The following RBFOX1 variants were observed in gnomAD, a reference collection of about 807,000 sequenced individuals.
RBFOX1 encodes RNA binding fox-1 homolog 1, also known as RNA binding protein fox-1 homolog 1.
A neutral mutation model predicts 57.7 loss-of-function variants in RBFOX1; 8 were observed. The ratio of observed to expected loss-of-function variants is 0.14; its 90% CI spans 0.08 to 0.25. RBFOX1 has a LOEUF of 0.25. Among genes scored for constraint, RBFOX1 ranks in the 10% least tolerant of loss-of-function variants. The pLI is 1.00. For missense variants in RBFOX1, 611 were observed against 548.5 expected, an observed-to-expected ratio of 1.11 and a Z score of -1.14; for synonymous variants, 326 against 222.4, an observed-to-expected ratio of 1.47 and a Z score of -4.15.
At position 6,780,584 on chromosome 16, in the gene RBFOX1, TTATA is replaced by T. The variant is rs998887450; in HGVS notation, c.-16+125942_-16+125945del. On this transcript the variant is annotated intron_variant, in intron 3 of 15. Coordinates refer to ENST00000550418, the MANE Select transcript of RBFOX1 (RefSeq NM_018723.4). ...TATTTATATATATTTATATATATAT[TTATA>T]TATATATTTCTTTTTTGTTTTTTGT... 1.0e-4 allele frequency among the ~76,000 whole-genome samples: 14 copies of T among 140,498 alleles called. 1 individual carries two copies. The highest frequency in any genetic ancestry group is 2.9e-4 in the African/African-American group (11 of 38,270). 92.2% of individuals were successfully genotyped at this position (140,498 alleles called of 152,430 possible).
intron 3 of RBFOX1, among the ~76,000 whole-genome samples, chr16:5,809,065 A>T (rs1368083048): frequency 6.6e-6 from 1 of 152,174 alleles, no homozygotes; most frequent in African/African-American, 2.4e-5. Context: ...AAAAACAAGC[A>T]ATGGGGAAAG....
At chr16:7,689,970 G>A (rs573013183) in intron 14 of RBFOX1, among the ~76,000 whole-genome samples, 4 of 152,152 alleles carry the variant, frequency 2.6e-5, no homozygotes, top group African/African-American at 9.6e-5. Context: ...TGCCCTGGAG[G>A]CAAGCATGGT....
intron 3 of RBFOX1, among the ~76,000 whole-genome samples, chr16:6,845,094 G>T (rs1476715171): frequency 1.3e-5 from 2 of 152,108 alleles, no homozygotes; most frequent in Non-Finnish European, 2.9e-5. Flanking sequence ...TTTGTCAGAT[G>T]GATAGATTGC....
chr16:5,838,467 C>G (rs944875877), intron 3 of RBFOX1: 1 of 154,576 alleles, frequency 6.5e-6, no homozygotes, highest in Non-Finnish European at 1.5e-5. Context: ...ATATCCTATT[C>G]TGGCTCCCAT....
At chr16:6,483,742 T>G in intron 2 of RBFOX1, 1 of 1,423,552 alleles carries the variant, frequency 7.0e-7, no homozygotes, top group Non-Finnish European at 9.2e-7. Context: ...TGGCTGCCTG[T>G]GGCAGAGGAG....
intron 4 of RBFOX1, among the ~76,000 whole-genome samples, chr16:7,485,732 T>C (rs60593706): frequency 3.9e-5 from 6 of 152,372 alleles, no homozygotes; most frequent in East Asian, 3.9e-4. Flanking sequence ...CCATAATGTA[T>C]GTACATATAT....
At chr16:6,838,464 A>G (rs1404761088) in intron 3 of RBFOX1, among the ~76,000 whole-genome samples, 1 of 152,162 alleles carries the variant, frequency 6.6e-6, no homozygotes, top group Non-Finnish European at 1.5e-5. Context: ...CTTTTCTAGA[A>G]ATGTCTGAAT....
At chr16:7,335,781 T>C (rs377307215) in intron 4 of RBFOX1, among the ~76,000 whole-genome samples, 1 of 152,128 alleles carries the variant, frequency 6.6e-6, no homozygotes, top group African/African-American at 2.4e-5. Context: ...CTTCCTCCTT[T>C]AGGAAAATCA....
intron 4 of RBFOX1, among the ~76,000 whole-genome samples, chr16:7,203,479 A>T (rs775824524): frequency 6.6e-6 from 1 of 152,224 alleles, no homozygotes; most frequent in Admixed American, 6.5e-5. Context: ...TTGCATAACA[A>T]TATAAATATA....
chr16:7,518,378 G>A lies in RBFOX1; in HGVS notation c.259G>A (p.Gly87Ser). Reference sequence around the variant, plus strand: ...GGACACGAGCGCTCAGACCGTCTCTGGCACCGCCACAGTAAGTGGACGTGT... The same window carrying A: ...GGACACGAGCGCTCAGACCGTCTCTAGCACCGCCACAGTAAGTGGACGTGT... ...PADTSAQTVS[G>S]TATQTDDAAP... Residue 87 changes from glycine to serine, a missense_variant, in exon 5 of 16, where the codon GGC becomes AGC. Physicochemically the swap from Gly to Ser is moderately conservative, Grantham distance 56. Transcript: ENST00000550418. 6.2e-7 allele frequency: 1 copy of A among 1,609,860 alleles called. No homozygotes were observed. The highest frequency in any genetic ancestry group is 8.5e-7 in the Non-Finnish European group (1 of 1,177,172).
intron 4 of RBFOX1, among the ~76,000 whole-genome samples, chr16:7,417,519 C>G (rs751878625): frequency 9.8e-6 from 1 of 102,060 alleles, no homozygotes; most frequent in African/African-American, 4.0e-5. Context: ...TCACCAGCTT[C>G]ACATGGTATT....
At chr16:5,431,266 C>CT (rs2067725012) in intron 1 of RBFOX1, among the ~76,000 whole-genome samples, 1 of 152,210 alleles carries the variant, frequency 6.6e-6, no homozygotes, top group East Asian at 1.9e-4. Context: ...CTGCAGTCTT[C>CT]TTTTTGCGCA....
chr16:6,256,241 ATATATG>A (rs1246496680), intron 1 of RBFOX1, among the ~76,000 whole-genome samples: 3,761 of 91,380 alleles, frequency 0.041, 281 homozygotes, highest in African/African-American at 0.12. Context: ...ATGTGTATAT[ATATATG>A]TATATATATG....
intron 2 of RBFOX1, among the ~76,000 whole-genome samples, chr16:5,534,950 C>T (rs763234434): frequency 6.6e-6 from 1 of 152,214 alleles, no homozygotes; most frequent in South Asian, 2.1e-4. Context: ...TTCATCCATT[C>T]ATTCAGAAAA....
intron 4 of RBFOX1, among the ~76,000 whole-genome samples, chr16:7,261,471 A>T (rs565142906): frequency 6.6e-6 from 1 of 152,144 alleles, no homozygotes; most frequent in African/African-American, 2.4e-5. Context: ...AAGTGAGTGT[A>T]TGAGTCCCTT....
At chr16:7,352,318 C>T (rs1020408355) in intron 4 of RBFOX1, among the ~76,000 whole-genome samples, 2 of 152,292 alleles carry the variant, frequency 1.3e-5, no homozygotes, top group African/African-American at 4.8e-5. Flanking sequence ...CCTGTCCTTC[C>T]ACTCTGGGCC....
At chr16:6,266,044 TG>T (rs1452921235) in intron 1 of RBFOX1, among the ~76,000 whole-genome samples, 1 of 152,182 alleles carries the variant, frequency 6.6e-6, no homozygotes, top group African/African-American at 2.4e-5. Flanking sequence ...CCATCAGGAA[TG>T]GCCATACATC....
chr16:6,046,291 TA>T (rs1220703849), intron 1 of RBFOX1, among the ~76,000 whole-genome samples: 3 of 152,042 alleles, frequency 2.0e-5, no homozygotes, highest in Non-Finnish European at 4.4e-5. Context: ...CACTGACAGA[TA>T]GGGGGATGAG....
chr16:6,879,836 A>G (rs1345053653), intron 3 of RBFOX1, among the ~76,000 whole-genome samples: 1 of 152,194 alleles, frequency 6.6e-6, no homozygotes, highest in Admixed American at 6.5e-5. Flanking sequence ...TAAATTTACA[A>G]AGAGGTTTGA....
Sources: allele counts gnomAD v4.1 joint callset (sites outside exome capture counted in the v4.1 genomes callset), GRCh38; gene constraint gnomAD v4.1.1; transcripts MANE v1.5; gene names NCBI Gene and HGNC (gene_info 2026-07-23, HGNC 2026-07-21).